SRRT: variants seen among roughly 807,000 people sequenced by gnomAD.
SRRT encodes the protein serrate RNA effector molecule homolog.
A neutral mutation model predicts 103.2 loss-of-function variants in SRRT; 32 were observed. The observed-to-expected ratio is 0.31, with a 90% confidence interval of 0.23 to 0.42. The LOEUF (loss-of-function observed/expected upper bound fraction) is 0.42, where lower values mean the gene tolerates loss of function less well. SRRT is among the 10% of genes least tolerant of loss of function. The pLI, the probability that SRRT is intolerant of heterozygous loss-of-function variation, is 1.00. For synonymous variants in SRRT, 525 were observed against 449.0 expected (o/e 1.17, Z -2.14); for missense variants, 986 against 1,207.5 (o/e 0.82, Z 2.72).
intron 1 of SRRT, 54 bp from the exon 2 acceptor site, chr7:100,875,519 C>G: frequency 6.2e-7 from 1 of 1,600,552 alleles, no homozygotes; most frequent in Non-Finnish European, 8.5e-7. Context: ...AGGGACGGTC[C>G]CTTCCTCCGC....
chr7:100,885,803 C>G lies in SRRT; in HGVS notation c.1379+41C>G. The G allele has an allele frequency of 1.2e-6, 2 of 1,613,496 alleles. No individual in the cohort carries two copies. On this transcript the variant is annotated intron_variant, in intron 11 of 19. Coordinates refer to ENST00000611405, the MANE Select transcript of SRRT (RefSeq NM_015908.6). This position sits in a 1 kb window ranked among gnomAD's most constrained non-coding sequence, Gnocchi z 4.8. ...CGTTGGAGGGAAAAGTGCAGGGGAA[C>G]GTTAATGGCCAACACCAACTCCCTC...
At chr7:100,875,867 C>T (rs1815635612) in intron 2 of SRRT, 155 bp downstream of exon 2, 4 of 870,246 alleles carry the variant, frequency 4.6e-6, no homozygotes, top group Admixed American at 2.5e-5. Flanking sequence ...TGCTGTTGGC[C>T]AAATAACTAG....
chr7:100,886,469 A>T, intron 13 of SRRT, 34 bp downstream of exon 13: 1 of 1,582,540 alleles, frequency 6.3e-7, no homozygotes, highest in Non-Finnish European at 8.6e-7. Flanking sequence ...TGTCAGAAGC[A>T]ACTGGTAGTG....
chr7:100,881,584 C>T, intron 3 of SRRT, 75 bp from the exon 4 acceptor site: 1 of 1,597,202 alleles, frequency 6.3e-7, no homozygotes, highest in South Asian at 1.1e-5. Context: ...CTGTGTGTAC[C>T]CCCGTCTGTC....
At chr7:100,875,803 A>T in intron 2 of SRRT, 91 bp downstream of exon 2, 1 of 1,527,594 alleles carries the variant, frequency 6.5e-7, no homozygotes, top group South Asian at 1.1e-5. Context: ...AATTTTTATG[A>T]GGGCGAATCC....
At chr7:100,875,855 T>G in intron 2 of SRRT, 143 bp downstream of exon 2, 1 of 1,061,428 alleles carries the variant, frequency 9.4e-7, no homozygotes, top group South Asian at 1.5e-5. Flanking sequence ...GTTCAGCCTA[T>G]TTGCTGTTGG....
At chr7:100,875,994 T>C (rs990577562) in intron 2 of SRRT, 3 of 365,298 alleles carry the variant, frequency 8.2e-6, no homozygotes, top group African/African-American at 6.3e-5. Flanking sequence ...TTTTTTTGTT[T>C]TGTTATTGAG....
intron 8 of SRRT, 35 bp from the exon 9 acceptor site, chr7:100,884,888 A>C (rs892552792): frequency 1.2e-5 from 20 of 1,613,888 alleles, no homozygotes; most frequent in Non-Finnish European, 1.6e-5. Context: ...GGGTTCTGGC[A>C]CGCTGACTTG....
Position 100,885,629 on chromosome 7 carries a change from G to C in SRRT, c.1318-72G>C. The C allele has an allele frequency of 6.8e-7, 1 of 1,476,712 alleles. No homozygotes were observed. Among genetic ancestry groups the C allele is most frequent in the South Asian group, 1.2e-5 (1 of 83,618 alleles). 91.5% of individuals were successfully genotyped at this position (1,476,712 alleles called of 1,614,324 possible). On this transcript the variant is annotated intron_variant, in intron 10 of 19. Transcript: ENST00000611405. The surrounding 1 kb of genome is among the most constrained non-coding windows in gnomAD (Gnocchi z 4.8). ...GCAGTTAGTCCCTAGGGTTCTGAGG[G>C]CAGTGGGGGATTGGAGGAAGAAGCG...
chr7:100,886,563 CGT>C, intron 13 of SRRT, 128 bp downstream of exon 13: 1 of 1,068,764 alleles, frequency 9.4e-7, no homozygotes, highest in South Asian at 1.6e-5. Flanking sequence ...TTTGCCCCTT[CGT>C]GTGTGGGTAG....
At position 100,884,188 on chromosome 7, in the gene SRRT, C is replaced by T. The variant is rs139718904; in HGVS notation, c.706C>T (p.Leu236Phe). 2.5e-6 allele frequency: 4 copies of T among 1,614,148 alleles called. No individual in the cohort carries two copies. Among genetic ancestry groups the T allele is most frequent in the Non-Finnish European group, 3.4e-6 (4 of 1,180,016 alleles). ...CATGGAGACTGGCTGGTTTGATAAC[C>T]TTCTCCTGGACATAGACAAAGCTGA... ...SLMETGWFDN[L>F]LLDIDKADAI... The change falls in exon 6 of 20, where the codon CTT becomes TTT. Residue 236 changes from leucine to phenylalanine, a missense_variant. Around this residue, in one of 6 missense-constraint regions of SRRT, gnomAD observed 274 missense variants for 358.5 expected, o/e 0.76. Transcript: ENST00000611405.
In SRRT at chr7:100,885,597, T is replaced by C. The variant is rs2115865524; in HGVS notation, c.1318-104T>C. ...TTTCCCTGCCCAAGGATGGGAAGAGTGATAAGGCAGTTAGTCCCTAGGGTT... is the reference window on the plus strand; with the variant it reads ...TTTCCCTGCCCAAGGATGGGAAGAGCGATAAGGCAGTTAGTCCCTAGGGTT... On this transcript the variant is annotated intron_variant, in intron 10 of 19. Coordinates refer to ENST00000611405, the MANE Select transcript of SRRT (RefSeq NM_015908.6). This position sits in a 1 kb window ranked among gnomAD's most constrained non-coding sequence, Gnocchi z 4.8. 1 of 1,286,598 alleles carries C rather than the reference T, an allele frequency of 7.8e-7. No individual in the cohort carries two copies. Among genetic ancestry groups the C allele is most frequent in the Non-Finnish European group, 1.1e-6 (1 of 909,538 alleles). 79.7% of individuals were successfully genotyped at this position (1,286,598 alleles called of 1,614,324 possible). A position where few individuals can be genotyped will look rare whatever the true frequency, so the allele number is the denominator to read the frequency against.
chr7:100,877,069 A>G (rs188766370), intron 2 of SRRT, among the ~76,000 whole-genome samples: 120 of 152,188 alleles, frequency 7.9e-4, no homozygotes, highest in African/African-American at 2.8e-3. Context: ...TGCCATAGCA[A>G]TGATGGGTAA....
chr7:100,887,264 C>T lies in SRRT; in HGVS notation c.1976-56C>T. 1 of 1,610,624 alleles carries T rather than the reference C, an allele frequency of 6.2e-7. No individual in the cohort carries two copies. Among genetic ancestry groups the T allele is most frequent in the Non-Finnish European group, 8.5e-7 (1 of 1,177,394 alleles). On this transcript the variant is annotated intron_variant, in intron 15 of 19. Transcript: ENST00000611405. The surrounding 1 kb of genome is among the most constrained non-coding windows in gnomAD (Gnocchi z 4.1). ...GCCTTGGTCCTCCAGCCCCTTGCCA[C>T]CATCCTTCCTTCTGGCTCCCTTGCC...
chr7:100,880,797 C>G (rs1372933589), intron 2 of SRRT: 5 of 346,464 alleles, frequency 1.4e-5, no homozygotes, highest in South Asian at 1.0e-4. Context: ...AGGGGTGATT[C>G]ATGTGGGTCT....
Position 100,884,149 on chromosome 7 carries a change from G to T in SRRT, c.667G>T (p.Val223Phe). Residue 223 changes from valine to phenylalanine, a missense_variant, in exon 6 of 20, where the codon GTC becomes TTC. Val to Phe is a conservative substitution (Grantham distance 50). This residue lies in a region of SRRT where 274 missense variants were observed against 358.5 expected (regional missense o/e 0.76). Coordinates refer to ENST00000611405, the MANE Select transcript of SRRT (RefSeq NM_015908.6). ...ARGALQNRLR[V>F]FLSLMETGWF... is the part of the protein sequence containing the mutation. ...GGGGGCCCTGCAAAACCGACTGAGG[G>T]TCTTCCTGTCCCTCATGGAGACTGG... 1 of 1,614,016 alleles carries T rather than the reference G, an allele frequency of 6.2e-7. No homozygotes were observed. Among genetic ancestry groups the T allele is most frequent in the Non-Finnish European group, 8.5e-7 (1 of 1,179,964 alleles).
chr7:100,887,610 T>TGGCA lies in SRRT; in HGVS notation c.2170-89_2170-86dup. 1.9e-6 allele frequency: 3 copies of TGGCA among 1,577,212 alleles called. No individual in the cohort carries two copies. Among genetic ancestry groups the TGGCA allele is most frequent in the Non-Finnish European group, 2.6e-6 (3 of 1,157,698 alleles). On this transcript the variant is annotated intron_variant, in intron 16 of 19. Coordinates refer to ENST00000611405, the MANE Select transcript of SRRT (RefSeq NM_015908.6). This position sits in a 1 kb window ranked among gnomAD's most constrained non-coding sequence, Gnocchi z 4.1. ...GGGGTGGGGGAACTGCTTACTGCAC[T>TGGCA]GGCAGGCGGGAGCTGGGAATCCTTC...
intron 2 of SRRT, among the ~76,000 whole-genome samples, chr7:100,876,679 C>T (rs1010771366): frequency 6.6e-5 from 10 of 152,084 alleles, no homozygotes; most frequent in Non-Finnish European, 4.4e-5. Flanking sequence ...GGTTATTGAC[C>T]TTAGGGTGTT....
At chr7:100,875,787 C>G (rs1472935599) in intron 2 of SRRT, 75 bp downstream of exon 2, 1 of 1,582,194 alleles carries the variant, frequency 6.3e-7, no homozygotes, top group Non-Finnish European at 8.7e-7. Context: ...TCTTTCTCCC[C>G]CTTGTAATTT....
Sources: allele counts gnomAD v4.1 joint callset (sites outside exome capture counted in the v4.1 genomes callset), GRCh38; gene constraint gnomAD v4.1.1; regional missense constraint gnomAD v4.1.1; non-coding constraint Gnocchi (gnomAD v3.1); transcripts MANE v1.5; gene names NCBI Gene and HGNC (gene_info 2026-07-23, HGNC 2026-07-21).